Variants in SGCZ observed in about 807,000 individuals in gnomAD.
SGCZ encodes sarcoglycan zeta.
A neutral mutation model predicts 41.3 loss-of-function variants in SGCZ; 40 were observed. That is an observed-to-expected ratio of 0.97 (90% CI 0.75 to 1.26). The LOEUF is 1.26. SGCZ is among the 50% of genes most tolerant of loss of function. The pLI is 0.00. For synonymous variants in SGCZ, 206 were observed against 137.5 expected (o/e 1.50, Z -3.49); for missense variants, 552 against 369.8 (o/e 1.49, Z -4.04).
At chr8:14,812,039 A>G (rs1236833077) in intron 1 of SGCZ, among the ~76,000 whole-genome samples, 1 of 152,022 alleles carries the variant, frequency 6.6e-6, no homozygotes, top group African/African-American at 2.4e-5. Context: ...TAGGGGTAAG[A>G]CAGGGCCAAG....
At position 14,828,046 on chromosome 8, in the gene SGCZ, G is replaced by A. The variant is rs181448331; in HGVS notation, c.40-273120C>T. 2.4e-3 allele frequency among the ~76,000 whole-genome samples: 365 copies of A among 152,300 alleles called. 1 individual carries two copies. The highest frequency in any genetic ancestry group is 8.4e-3 in the African/African-American group (348 of 41,574). ...AGGACCTCAACTGAAACACTGAGAA[G>A]CTGCTGATCACACATCAGCTTGAAA... is the stretch of plus-strand genomic sequence containing the variant. On this transcript the variant is annotated intron_variant, in intron 1 of 7. Coordinates refer to ENST00000382080, the MANE Select transcript of SGCZ (RefSeq NM_139167.4).
chr8:14,253,485 C>T (rs1488720100), intron 3 of SGCZ, among the ~76,000 whole-genome samples: 1 of 152,004 alleles, frequency 6.6e-6, no homozygotes, highest in Admixed American at 6.6e-5. Context: ...AATCTTTATG[C>T]CTCAAAGCTG....
chr8:14,970,354 A>C (rs991906226), intron 1 of SGCZ, among the ~76,000 whole-genome samples: 5 of 152,118 alleles, frequency 3.3e-5, no homozygotes, highest in Admixed American at 3.3e-4. Flanking sequence ...GCTTTTAAAT[A>C]ATTTGCTCCT....
intron 1 of SGCZ, among the ~76,000 whole-genome samples, chr8:15,097,916 GTATA>G (rs60363368): frequency 3.8e-5 from 3 of 79,962 alleles, no homozygotes; most frequent in Non-Finnish European, 5.2e-5. Context: ...ATATACGTGT[GTATA>G]TATATATATA....
At chr8:14,755,615 A>G (rs925510702) in intron 1 of SGCZ, among the ~76,000 whole-genome samples, 1 of 152,196 alleles carries the variant, frequency 6.6e-6, no homozygotes, top group Non-Finnish European at 1.5e-5. Flanking sequence ...TGACATGACC[A>G]TGCTGGAAAA....
chr8:14,100,697 C>G (rs925419090), intron 7 of SGCZ, among the ~76,000 whole-genome samples: 2 of 150,308 alleles, frequency 1.3e-5, no homozygotes, highest in African/African-American at 4.9e-5. Flanking sequence ...TAATATGGTC[C>G]TACCAGTAAA....
intron 1 of SGCZ, among the ~76,000 whole-genome samples, chr8:14,591,623 A>T (rs1049996423): frequency 1.3e-5 from 2 of 152,136 alleles, no homozygotes; most frequent in Non-Finnish European, 2.9e-5. Flanking sequence ...AACGTTATTG[A>T]TAACATTAAC....
At chr8:14,907,888 ACAAATAAC>A (rs1241212352) in intron 1 of SGCZ, among the ~76,000 whole-genome samples, 4 of 152,174 alleles carry the variant, frequency 2.6e-5, no homozygotes, top group Admixed American at 6.5e-5. Flanking sequence ...ACAACCAAGA[ACAAATAAC>A]CATTTGAGGA....
At chr8:15,212,221 G>C (rs920448189) in intron 1 of SGCZ, among the ~76,000 whole-genome samples, 1 of 152,050 alleles carries the variant, frequency 6.6e-6, no homozygotes, top group African/African-American at 2.4e-5. Flanking sequence ...TTCTTAATTT[G>C]AGTTGTTCTT....
At chr8:14,348,678 T>A (rs1291371512) in intron 2 of SGCZ, among the ~76,000 whole-genome samples, 1 of 152,122 alleles carries the variant, frequency 6.6e-6, no homozygotes, top group East Asian at 1.9e-4. Flanking sequence ...ACATTATAGT[T>A]GGAAAGATAT....
chr8:14,708,115 T>G lies in SGCZ; in HGVS notation c.40-153189A>C, dbSNP rs969792914. 7.9e-5 allele frequency among the ~76,000 whole-genome samples: 12 copies of G among 152,012 alleles called. No individual in the cohort carries two copies. The East Asian group carries it at 2.1e-3, about 27-fold the overall frequency. Reference sequence around the variant, plus strand: ...AATTTCAAGTTAATTTTTCTATAAATTCAAATTTAATTTAAATTTTAATTA... The same window carrying G: ...AATTTCAAGTTAATTTTTCTATAAAGTCAAATTTAATTTAAATTTTAATTA... On this transcript the variant is annotated intron_variant, in intron 1 of 7. Coordinates refer to ENST00000382080, the MANE Select transcript of SGCZ (RefSeq NM_139167.4).
intron 1 of SGCZ, among the ~76,000 whole-genome samples, chr8:14,608,279 G>C (rs1276688017): frequency 1.3e-5 from 2 of 150,998 alleles, no homozygotes; most frequent in African/African-American, 2.4e-5. Context: ...TTGTAAGTGT[G>C]GTAAATACAA....
chr8:15,012,889 C>T (rs573598574), intron 1 of SGCZ, among the ~76,000 whole-genome samples: 1 of 150,820 alleles, frequency 6.6e-6, no homozygotes, highest in South Asian at 2.1e-4. Context: ...ATTTGTAAGG[C>T]CAGAAGATGG....
intron 1 of SGCZ, among the ~76,000 whole-genome samples, chr8:14,870,800 A>C (rs1172414958): frequency 6.6e-6 from 1 of 152,184 alleles, no homozygotes; most frequent in Non-Finnish European, 1.5e-5. Context: ...GAAGACATTT[A>C]TGCAGCAAAC....
At chr8:14,470,539 T>A (rs1204793515) in intron 2 of SGCZ, among the ~76,000 whole-genome samples, 1 of 152,114 alleles carries the variant, frequency 6.6e-6, no homozygotes, top group Admixed American at 6.6e-5. Context: ...AGACCCAATA[T>A]TCCTAACCCC....
At chr8:14,238,906 T>C (rs1806867152) in intron 3 of SGCZ, among the ~76,000 whole-genome samples, 1 of 152,034 alleles carries the variant, frequency 6.6e-6, no homozygotes, top group South Asian at 2.1e-4. Flanking sequence ...AGTGCTTTCA[T>C]ATGTAAGCTA....
intron 2 of SGCZ, among the ~76,000 whole-genome samples, chr8:14,462,339 CTTTT>C (rs1800925259): frequency 6.6e-6 from 1 of 151,660 alleles, no homozygotes. Context: ...ATTTGTGTTC[CTTTT>C]TATTATTTTA....
intron 2 of SGCZ, among the ~76,000 whole-genome samples, chr8:14,488,443 G>C (rs1042506622): frequency 6.6e-6 from 1 of 152,056 alleles, no homozygotes; most frequent in Non-Finnish European, 1.5e-5. Context: ...TCTGATGCTA[G>C]GCCCTTCGCT....
At chr8:14,719,151 G>A (rs1318175826) in intron 1 of SGCZ, among the ~76,000 whole-genome samples, 3 of 150,710 alleles carry the variant, frequency 2.0e-5, no homozygotes, top group Non-Finnish European at 3.0e-5. Context: ...ATGATTTCCA[G>A]TTTCATCCAT....
Sources: allele counts gnomAD v4.1 joint callset (sites outside exome capture counted in the v4.1 genomes callset), GRCh38; gene constraint gnomAD v4.1.1; transcripts MANE v1.5; gene names NCBI Gene and HGNC (gene_info 2026-07-23, HGNC 2026-07-21).